The following EYS variants were observed in gnomAD, a reference collection of about 807,000 sequenced individuals.
EYS encodes EGF-like photoreceptor maintenance factor.
Under a neutral mutation model 282.1 loss-of-function variants are expected in EYS, and 250 were observed. The observed-to-expected ratio is 0.89, with a 90% CI of 0.80 to 0.98. The LOEUF is 0.98. Among genes scored for constraint, EYS ranks in the 50% least tolerant of loss-of-function variants. The pLI, the probability that EYS is intolerant of heterozygous loss-of-function variation, is 0.00. For missense variants in EYS, 4,016 were observed against 3,709.0 expected (o/e 1.08, Z -2.15); for synonymous variants, 1,355 against 1,282.9 (o/e 1.06, Z -1.20).
At chr6:64,882,292 T>C (rs996843327) in intron 19 of EYS, among the ~76,000 whole-genome samples, 1 of 151,796 alleles carries the variant, frequency 6.6e-6, no homozygotes, top group Admixed American at 6.6e-5. Flanking sequence ...AAGTCACACA[T>C]CGACTTGGCA....
chr6:64,203,929 G>A (rs1021183076), intron 31 of EYS, among the ~76,000 whole-genome samples: 12 of 152,094 alleles, frequency 7.9e-5, no homozygotes, highest in African/African-American at 2.9e-4. Flanking sequence ...AAGCCATAGT[G>A]CCAATAATTA....
intron 33 of EYS, among the ~76,000 whole-genome samples, chr6:64,000,674 C>T (rs1768054931): frequency 6.6e-6 from 1 of 151,994 alleles, no homozygotes; most frequent in Non-Finnish European, 1.5e-5. Flanking sequence ...AAAACAAACC[C>T]TAAGCTTCCT....
intron 15 of EYS, among the ~76,000 whole-genome samples, chr6:64,917,778 C>T (rs576263831): frequency 1.8e-4 from 27 of 152,100 alleles, no homozygotes; most frequent in African/African-American, 6.3e-4. Flanking sequence ...ATGCATATAT[C>T]AAAACATTAT....
intron 26 of EYS, among the ~76,000 whole-genome samples, chr6:64,575,760 A>G (rs897414455): frequency 3.3e-5 from 5 of 152,102 alleles, no homozygotes; most frequent in African/African-American, 1.2e-4. Flanking sequence ...GGTTTCAAGT[A>G]CTCTAAGCTT....
intron 13 of EYS, among the ~76,000 whole-genome samples, chr6:65,036,461 A>G (rs970874996): frequency 1.3e-4 from 20 of 151,978 alleles, no homozygotes; most frequent in Non-Finnish European, 2.5e-4. Flanking sequence ...AAGCAATTGT[A>G]CAAAACCAAA....
intron 2 of EYS, among the ~76,000 whole-genome samples, chr6:65,560,134 C>T (rs1374827762): frequency 6.8e-6 from 1 of 147,898 alleles, no homozygotes; most frequent in Non-Finnish European, 1.5e-5. Flanking sequence ...TACTAAGATG[C>T]TAATATTCAT....
chr6:65,630,552 G>C (rs1766875452), intron 2 of EYS, among the ~76,000 whole-genome samples: 1 of 152,098 alleles, frequency 6.6e-6, no homozygotes, highest in Non-Finnish European at 1.5e-5. Flanking sequence ...CAATATTTTA[G>C]CAAAACCGGT....
chr6:65,396,440 C>T (rs1392042053), intron 7 of EYS, among the ~76,000 whole-genome samples: 2 of 152,100 alleles, frequency 1.3e-5, no homozygotes, highest in Non-Finnish European at 2.9e-5. Context: ...CAGTGTCTGT[C>T]ATCCCCATCA....
intron 33 of EYS, among the ~76,000 whole-genome samples, chr6:64,032,371 A>C (rs1262107816): frequency 6.6e-6 from 1 of 152,184 alleles, no homozygotes; most frequent in Non-Finnish European, 1.5e-5. Context: ...CCTAATGACA[A>C]ATGATTTTGA....
intron 12 of EYS, among the ~76,000 whole-genome samples, chr6:65,063,099 A>G (rs1247479677): frequency 2.0e-5 from 3 of 152,026 alleles, no homozygotes; most frequent in Non-Finnish European, 2.9e-5. Flanking sequence ...TGAAAATTAC[A>G]TAGAAATGCA....
rs913158802 is a variant in EYS, at chr6:65,080,193, G to T, written c.2024-22466C>A. Reference sequence around the variant, plus strand: ...ATCATTCAGAACAGGGTGAGGGAAGGAGCCCTCGACAGAACACGCCCAGAG... The same window carrying T: ...ATCATTCAGAACAGGGTGAGGGAAGTAGCCCTCGACAGAACACGCCCAGAG... On this transcript the variant is annotated intron_variant, in intron 12 of 42. Coordinates refer to ENST00000503581, the MANE Select transcript of EYS (RefSeq NM_001142800.2). Among the ~76,000 whole-genome samples the T allele has an allele frequency of 9.2e-5, 14 of 152,036 alleles. 1 individual carries two copies. Among genetic ancestry groups the T allele is most frequent in the African/African-American group, 3.1e-4 (13 of 41,430 alleles).
chr6:65,694,435 T>C lies in EYS; in HGVS notation c.-448+12700A>G, dbSNP rs771861058. Among the ~76,000 whole-genome samples, 101 of 149,928 alleles carry C rather than the reference T, an allele frequency of 6.7e-4. 3 individuals are homozygous for C. The highest frequency in any genetic ancestry group is 1.6e-3 in the Admixed American group (24 of 14,918). The stretch of plus-strand genomic sequence containing the variant: ...AAGTTGTGATGCAATTTAATATTTT[T>C]GGTGATTGTTAAAAGAAACTTCTTC... On this transcript the variant is annotated intron_variant, in intron 1 of 42. Coordinates refer to ENST00000503581, the MANE Select transcript of EYS (RefSeq NM_001142800.2).
chr6:65,619,477 T>C (rs1766378884), intron 2 of EYS, among the ~76,000 whole-genome samples: 1 of 152,240 alleles, frequency 6.6e-6, no homozygotes, highest in South Asian at 2.1e-4. Context: ...GTTTTCCAGA[T>C]ATACAATCAT....
At chr6:64,970,324 A>C (rs988997935) in intron 14 of EYS, among the ~76,000 whole-genome samples, 4 of 152,140 alleles carry the variant, frequency 2.6e-5, no homozygotes, top group Non-Finnish European at 4.4e-5. Flanking sequence ...ATACATCCCG[A>C]GTAGCTGGGA....
chr6:65,396,853 T>G (rs1766296333), intron 7 of EYS, among the ~76,000 whole-genome samples: 1 of 151,930 alleles, frequency 6.6e-6, no homozygotes, highest in African/African-American at 2.4e-5. Context: ...ATTCTATTTT[T>G]TCTTCTATTA....
intron 15 of EYS, among the ~76,000 whole-genome samples, chr6:64,925,739 G>T (rs1224484667): frequency 6.6e-6 from 1 of 152,072 alleles, no homozygotes; most frequent in East Asian, 1.9e-4. Flanking sequence ...GAAGTTCTCA[G>T]GTTCCCAGGT....
rs192504872 is a variant in EYS at position 65,443,749 on chromosome 6, C to T, written c.863-38382G>A. 1.3e-4 allele frequency among the ~76,000 whole-genome samples: 20 copies of T among 150,600 alleles called. No homozygotes were observed. The East Asian group carries it at 3.3e-3, about 25-fold the overall frequency. On this transcript the variant is annotated intron_variant, in intron 5 of 42. Coordinates refer to ENST00000503581, the MANE Select transcript of EYS (RefSeq NM_001142800.2). ...ACATACGTGCATATACACATATATACACATACGTGCATATACACATATATT... is the reference window on the plus strand; with the variant it reads ...ACATACGTGCATATACACATATATATACATACGTGCATATACACATATATT...
At chr6:63,766,684 C>G (rs1257008782) in intron 40 of EYS, among the ~76,000 whole-genome samples, 1 of 152,002 alleles carries the variant, frequency 6.6e-6, no homozygotes, top group Non-Finnish European at 1.5e-5. Flanking sequence ...AAGAAGGGTA[C>G]TAGCATCATC....
chr6:64,264,453 T>TA (rs1305251295), intron 30 of EYS, among the ~76,000 whole-genome samples: 6 of 152,246 alleles, frequency 3.9e-5, no homozygotes, highest in Admixed American at 3.9e-4. Flanking sequence ...AGTGCTTGTT[T>TA]ACAGAATAGT....
Sources: gnomAD v4.1 joint callset for allele counts (sites outside exome capture counted in the v4.1 genomes callset) on GRCh38, gnomAD v4.1.1 for gene constraint, MANE v1.5 for transcripts, NCBI Gene and HGNC (gene_info 2026-07-23, HGNC 2026-07-21) for gene names.